PAPPA: variants seen among roughly 807,000 people sequenced by gnomAD.
PAPPA encodes pappalysin-1.
PAPPA carries 60 observed loss-of-function variants against 164.0 expected under a neutral mutation model. The ratio of observed to expected loss-of-function variants is 0.37; its 90% CI spans 0.30 to 0.45. The LOEUF is 0.45. Among genes scored for constraint, PAPPA ranks in the 20% least tolerant of loss-of-function variants. The probability of loss-of-function intolerance (pLI) is 1.00; values close to 1 mark genes in which losing one functional copy is unlikely to be tolerated. For missense variants in PAPPA, 1,782 were observed against 2,087.3 expected (o/e 0.85, Z 2.85); for synonymous variants, 875 against 814.1 (o/e 1.07, Z -1.27).
chr9:116,323,455 G>A (rs1408161546), intron 10 of PAPPA, among the ~76,000 whole-genome samples: 1 of 152,162 alleles, frequency 6.6e-6, no homozygotes, highest in East Asian at 1.9e-4. Context: ...GAATTTCTGA[G>A]GACCCTCCCA....
intron 10 of PAPPA, among the ~76,000 whole-genome samples, chr9:116,316,857 T>C (rs1845793381): frequency 6.6e-6 from 1 of 152,122 alleles, no homozygotes; most frequent in African/African-American, 2.4e-5. Context: ...TGCCTCCTCT[T>C]CAAAAGCAAA....
chr9:116,323,149 T>A (rs1490624633), intron 10 of PAPPA, among the ~76,000 whole-genome samples: 1 of 152,074 alleles, frequency 6.6e-6, no homozygotes. Flanking sequence ...AAACTGGATT[T>A]AAAAAAACCC....
intron 1 of PAPPA, among the ~76,000 whole-genome samples, chr9:116,162,580 A>G (rs1334816241): frequency 1.3e-5 from 2 of 152,216 alleles, no homozygotes; most frequent in Non-Finnish European, 2.9e-5. Flanking sequence ...CAAGTTACTT[A>G]GTATCTCCAA....
In PAPPA at chr9:116,379,605, T is replaced by C. The variant is rs565062117; in HGVS notation, c.4677+1958T>C. ...CATCGTTTTACTAAATAAACATTTATGGAATCTATATTTGATAAAGTTTTG... is the reference window on the plus strand; with the variant it reads ...CATCGTTTTACTAAATAAACATTTACGGAATCTATATTTGATAAAGTTTTG... On this transcript the variant is annotated intron_variant, in intron 20 of 21. Coordinates refer to ENST00000328252, the MANE Select transcript of PAPPA (RefSeq NM_002581.5). Among the ~76,000 whole-genome samples, 33 of 152,252 alleles carry C rather than the reference T, an allele frequency of 2.2e-4. No individual in the cohort carries two copies. In the South Asian group the frequency reaches 4.1e-3, roughly 19 times the overall value.
At chr9:116,163,399 G>A (rs848275) in intron 1 of PAPPA, among the ~76,000 whole-genome samples, 2 of 152,152 alleles carry the variant, frequency 1.3e-5, no homozygotes, top group African/African-American at 2.4e-5. Context: ...GCTCTCTGGA[G>A]AAGGCCATGG....
intron 9 of PAPPA, among the ~76,000 whole-genome samples, chr9:116,300,751 G>A (rs1265564662): frequency 1.3e-5 from 2 of 152,146 alleles, no homozygotes; most frequent in Non-Finnish European, 2.9e-5. Flanking sequence ...GCTCTTTCTA[G>A]CTAGGGGAAA....
intron 21 of PAPPA, among the ~76,000 whole-genome samples, chr9:116,392,470 T>C (rs1301767160): frequency 6.6e-6 from 1 of 152,154 alleles, no homozygotes; most frequent in East Asian, 1.9e-4. Context: ...GTCAGAGAGC[T>C]AGCATATAGA....
chr9:116,391,164 C>T (rs1455886394), intron 21 of PAPPA, among the ~76,000 whole-genome samples: 1 of 152,236 alleles, frequency 6.6e-6, no homozygotes, highest in Non-Finnish European at 1.5e-5. Context: ...CATTTATCCA[C>T]ATGACCACTT....
chr9:116,347,125 T>A lies in PAPPA; in HGVS notation c.3880T>A (p.Tyr1294Asn). Residue 1294 changes from tyrosine (Y) to asparagine (N), a missense_variant, in exon 15 of 22, where the codon TAT (tyrosine) becomes AAT (asparagine). Coordinates refer to ENST00000328252, the MANE Select transcript of PAPPA (RefSeq NM_002581.5). The surrounding 1 kb of genome is among the most constrained non-coding windows in gnomAD (Gnocchi z 4.5). Reference sequence around the variant, plus strand: ...CAGCATCCCAGATCACCATCAAGTCTATGCTGCCTCCTTCTCCTGCCCTGA... The same window carrying A: ...CAGCATCCCAGATCACCATCAAGTCAATGCTGCCTCCTTCTCCTGCCCTGA... ...DCSIPDHHQV[Y>N]AASFSCPEGT... 6.2e-7 allele frequency: 1 copy of A among 1,614,174 alleles called. No individual in the cohort carries two copies. The highest frequency in any genetic ancestry group is 8.5e-7 in the Non-Finnish European group (1 of 1,179,986).
At chr9:116,305,536 G>A (rs540116739) in intron 10 of PAPPA, among the ~76,000 whole-genome samples, 2 of 152,112 alleles carry the variant, frequency 1.3e-5, no homozygotes, top group Non-Finnish European at 2.9e-5. Context: ...AGGAGCATGG[G>A]AGTACCAAAG....
chr9:116,283,913 G>A (rs1845298559), intron 9 of PAPPA, among the ~76,000 whole-genome samples: 1 of 152,184 alleles, frequency 6.6e-6, no homozygotes, highest in Non-Finnish European at 1.5e-5. Context: ...CAGCCCCGAA[G>A]CACAAGGACC....
intron 2 of PAPPA, among the ~76,000 whole-genome samples, chr9:116,201,708 A>G (rs1239174242): frequency 6.6e-6 from 1 of 152,246 alleles, no homozygotes; most frequent in Non-Finnish European, 1.5e-5. Flanking sequence ...AAATTGAGAT[A>G]CCAAGTGACA....
intron 1 of PAPPA, among the ~76,000 whole-genome samples, chr9:116,156,903 G>A (rs1446448364): frequency 6.6e-6 from 1 of 152,232 alleles, no homozygotes; most frequent in Non-Finnish European, 1.5e-5. Flanking sequence ...GGGCAGCAAG[G>A]ATCGGGTGCG....
At chr9:116,312,083 C>T (rs892824884) in intron 10 of PAPPA, among the ~76,000 whole-genome samples, 3 of 152,154 alleles carry the variant, frequency 2.0e-5, no homozygotes, top group African/African-American at 4.8e-5. Context: ...CTGCCAACCC[C>T]TTCCATGGCC....
chr9:116,217,531 C>T (rs1361946723), intron 4 of PAPPA, among the ~76,000 whole-genome samples: 1 of 152,180 alleles, frequency 6.6e-6, no homozygotes, highest in Non-Finnish European at 1.5e-5. Flanking sequence ...CCAAGAGTAT[C>T]TATCTTTTGA....
intron 1 of PAPPA, among the ~76,000 whole-genome samples, chr9:116,184,103 T>C (rs897447524): frequency 9.9e-5 from 15 of 152,282 alleles, no homozygotes; most frequent in Admixed American, 8.5e-4. Flanking sequence ...CATTTTCTTT[T>C]CATGAGGGAT....
At chr9:116,296,495 G>C (rs904187822) in intron 9 of PAPPA, among the ~76,000 whole-genome samples, 2 of 152,196 alleles carry the variant, frequency 1.3e-5, no homozygotes, top group African/African-American at 4.8e-5. Context: ...TCTGTTCGCA[G>C]AGATCTTGTC....
intron 1 of PAPPA, among the ~76,000 whole-genome samples, chr9:116,166,344 G>A (rs1843719285): frequency 6.6e-6 from 1 of 152,170 alleles, no homozygotes; most frequent in Non-Finnish European, 1.5e-5. Context: ...CAAAGCATTT[G>A]TTTTGTGTGT....
intron 1 of PAPPA, among the ~76,000 whole-genome samples, chr9:116,161,924 G>A (rs956077952): frequency 1.4e-4 from 21 of 152,162 alleles, no homozygotes; most frequent in African/African-American, 4.6e-4. Context: ...TGCGTGTTCT[G>A]TGACCTGAAA....
Sources: gnomAD v4.1 joint callset for allele counts (sites outside exome capture counted in the v4.1 genomes callset) on GRCh38, gnomAD v4.1.1 for gene constraint, Gnocchi (gnomAD v3.1) non-coding constraint, MANE v1.5 for transcripts, NCBI Gene and HGNC (gene_info 2026-07-23, HGNC 2026-07-21) for gene names.